Variants in SI observed in about 807,000 individuals in gnomAD.
SI encodes sucrase-isomaltase, intestinal.
SI carries 235 observed loss-of-function variants against 253.3 expected under a neutral mutation model. That is an observed-to-expected ratio of 0.93 (90% confidence interval 0.83 to 1.03). The LOEUF (loss-of-function observed/expected upper bound fraction) is 1.03. Ranked by LOEUF, SI falls within the 50% of genes least tolerant of loss-of-function variation. The pLI is 0.00. For missense variants in SI, 2,442 were observed against 2,211.1 expected (o/e 1.10, Z -2.09); for synonymous variants, 819 against 712.0 (o/e 1.15, Z -2.39).
the SI span, among the ~76,000 whole-genome samples, chr3:165,086,845 C>G: frequency 6.6e-6 from 1 of 152,138 alleles, no homozygotes; most frequent in Non-Finnish European, 1.5e-5. Flanking sequence ...TGTGGGCAAT[C>G]ATGAGAGTGT....
chr3:165,089,284 A>G, the SI span, among the ~76,000 whole-genome samples: 24 of 152,236 alleles, frequency 1.6e-4, no homozygotes, highest in African/African-American at 5.3e-4. Flanking sequence ...GAGAGATTAA[A>G]CTATTGATTT....
chr3:165,009,493 G>C (rs1236159117), intron 34 of SI, 98 bp from the exon 35 acceptor site: 1 of 740,068 alleles, frequency 1.4e-6, no homozygotes, highest in East Asian at 2.5e-5. Context: ...AGTCATGTAT[G>C]ACTGATAATG....
chr3:164,981,630 GA>G (rs1464120153), intron 47 of SI, among the ~76,000 whole-genome samples: 1 of 152,094 alleles, frequency 6.6e-6, no homozygotes, highest in African/African-American at 2.4e-5. Flanking sequence ...ACATGTGTTT[GA>G]AATTCACCTT....
In SI at chr3:165,058,404, C is replaced by A. The variant is rs115712866; in HGVS notation, c.1398+559G>T. Among the ~76,000 whole-genome samples, 1,016 of 151,472 alleles carry A rather than the reference C, an allele frequency of 6.7e-3. 6 individuals are homozygous for A. The highest frequency in any genetic ancestry group is 8.9e-3 in the Non-Finnish European group (601 of 67,746). On this transcript the variant is annotated intron_variant, in intron 12 of 47. Coordinates refer to ENST00000264382, the MANE Select transcript of SI (RefSeq NM_001041.4). ...ACTAGAAAAGCAAGAGCAAACCAAACCCTAAATTAGTAGAAGGAAAGAAAA... is the reference window on the plus strand; with the variant it reads ...ACTAGAAAAGCAAGAGCAAACCAAAACCTAAATTAGTAGAAGGAAAGAAAA...
intron 37 of SI, among the ~76,000 whole-genome samples, chr3:165,000,555 A>T (rs1215230911): frequency 6.6e-6 from 1 of 151,446 alleles, no homozygotes; most frequent in Non-Finnish European, 1.5e-5. Context: ...CTCCATATTT[A>T]CTATTGTTAA....
chr3:165,009,849 C>A (rs1261092048), intron 34 of SI, among the ~76,000 whole-genome samples: 1 of 152,130 alleles, frequency 6.6e-6, no homozygotes, highest in Non-Finnish European at 1.5e-5. Flanking sequence ...TTGTCTCTCA[C>A]ATCTAGCCCT....
intron 37 of SI, among the ~76,000 whole-genome samples, chr3:165,004,582 C>T (rs768420255): frequency 1.3e-5 from 2 of 151,990 alleles, no homozygotes; most frequent in Non-Finnish European, 1.5e-5. Flanking sequence ...AAATATGGTA[C>T]ATATATACAA....
intron 17 of SI, among the ~76,000 whole-genome samples, chr3:165,042,580 C>A (rs1370052656): frequency 6.6e-6 from 1 of 151,980 alleles, no homozygotes; most frequent in Non-Finnish European, 1.5e-5. Context: ...TGTCTCTATG[C>A]CAGTTCTATT....
chr3:165,056,679 G>A (rs1485230451), intron 12 of SI, among the ~76,000 whole-genome samples: 3 of 152,110 alleles, frequency 2.0e-5, no homozygotes, highest in Admixed American at 2.0e-4. Flanking sequence ...GTACAAAGGG[G>A]CAGAAATCAG....
chr3:165,074,483 T>C, intron 3 of SI, 48 bp downstream of exon 3: 6 of 1,215,218 alleles, frequency 4.9e-6, no homozygotes, highest in Non-Finnish European at 4.6e-6. Flanking sequence ...TATCTTAATA[T>C]AATAATGTAT....
chr3:164,988,218 C>T (rs187249971), intron 44 of SI, among the ~76,000 whole-genome samples: 4 of 152,256 alleles, frequency 2.6e-5, no homozygotes, highest in East Asian at 3.9e-4. Context: ...TGTACAGCCA[C>T]GGAAGTCTCC....
At chr3:164,997,643 C>T (rs1045036270) in intron 38 of SI, among the ~76,000 whole-genome samples, 3 of 151,782 alleles carry the variant, frequency 2.0e-5, no homozygotes, top group South Asian at 4.1e-4. Flanking sequence ...CCTCCTCCCA[C>T]GCCACAACTT....
chr3:165,058,273 G>T (rs1453486131), intron 12 of SI, among the ~76,000 whole-genome samples: 1 of 151,760 alleles, frequency 6.6e-6, no homozygotes, highest in East Asian at 1.9e-4. Flanking sequence ...CAAAGTCTAT[G>T]GGATAAAATG....
rs201456539 is a variant in SI, at chr3:165,062,410, T to A, written c.981A>T (p.Leu327=). The change falls in exon 9 of 48, where the codon CTA becomes CTT. Residue 327 remains leucine (L), a synonymous_variant. Transcript: ENST00000264382. ...TGGILDFYIL[L]GDTPEQVVQQ... is the part of the protein sequence containing the mutation. Reference sequence around the variant, plus strand: ...GAACTACTTGTTCTGGTGTATCTCCTAGAAGGATGTAAAAATCCAGAATGC... The same window carrying A: ...GAACTACTTGTTCTGGTGTATCTCCAAGAAGGATGTAAAAATCCAGAATGC... The A allele has an allele frequency of 7.5e-6, 12 of 1,601,232 alleles. No individual in the cohort carries two copies. Among genetic ancestry groups the A allele is most frequent in the Non-Finnish European group, 9.4e-6 (11 of 1,168,920 alleles).
intron 25 of SI, among the ~76,000 whole-genome samples, chr3:165,025,541 C>T (rs1559995029): frequency 6.6e-6 from 1 of 151,204 alleles, no homozygotes; most frequent in Non-Finnish European, 1.5e-5. Flanking sequence ...TGCCTAGACA[C>T]ATTGCTGTCA....
Position 165,059,264 on chromosome 3 carries a change from G to A in SI, c.1182C>T (p.Asp394=). ...TQVTDIDYME[D]KKDFTYDQVA... ...CTTGATCATAAGTAAAGTCTTTCTT[G>A]TCTTCCATGTAGTCAATATCAGTGA... Residue 394 remains aspartate (D), a synonymous_variant, in exon 11 of 48, where the codon GAC becomes GAT. Transcript: ENST00000264382. 1 of 1,612,550 alleles carries A rather than the reference G, an allele frequency of 6.2e-7. No homozygotes were observed. The highest frequency in any genetic ancestry group is 8.5e-7 in the Non-Finnish European group (1 of 1,179,008).
chr3:165,012,023 A>C (rs1718794863), intron 34 of SI, among the ~76,000 whole-genome samples: 1 of 152,222 alleles, frequency 6.6e-6, no homozygotes, highest in Non-Finnish European at 1.5e-5. Flanking sequence ...TTTCTCTGAT[A>C]GAACTATAGC....
Position 164,987,233 on chromosome 3 carries a change from G to A in SI, c.5109-7C>T. ...CTTCATGTGTTTTTGTCGACTATAA[G>A]AAAGAAATATATAATTTTACCCATG... On this transcript the variant is annotated splice_region_variant and splice_polypyrimidine_tract_variant and intron_variant, in intron 44 of 47. Coordinates refer to ENST00000264382, the MANE Select transcript of SI (RefSeq NM_001041.4). The A allele has an allele frequency of 6.2e-7, 1 of 1,608,136 alleles. No individual in the cohort carries two copies.
At chr3:165,004,637 G>A (rs978617381) in intron 37 of SI, among the ~76,000 whole-genome samples, 1 of 152,126 alleles carries the variant, frequency 6.6e-6, no homozygotes, top group Non-Finnish European at 1.5e-5. Context: ...CCTGTCATTT[G>A]CAACGACATG....
Sources: gnomAD v4.1 joint callset for allele counts (sites outside exome capture counted in the v4.1 genomes callset) on GRCh38, gnomAD v4.1.1 for gene constraint, MANE v1.5 for transcripts, NCBI Gene and HGNC (gene_info 2026-07-23, HGNC 2026-07-21) for gene names.